KCNMA1: variants seen among roughly 807,000 people sequenced by gnomAD.
KCNMA1 encodes the protein potassium calcium-activated channel subfamily M alpha 1.
In KCNMA1, 29 loss-of-function variants were observed where a neutral mutation model predicts 140.0. That is an observed-to-expected ratio of 0.21 (90% confidence interval 0.15 to 0.28). The LOEUF (loss-of-function observed/expected upper bound fraction) is 0.28. Ranked by LOEUF, KCNMA1 falls within the 10% of genes least tolerant of loss-of-function variation. KCNMA1 has a pLI of 1.00. For synonymous variants in KCNMA1, 612 were observed against 611.9 expected (o/e 1.00, Z 0.00); for missense variants, 880 against 1,602.2 (o/e 0.55, Z 7.70).
In KCNMA1 at chr10:77,138,605, G is replaced by A. The variant is rs190881614; in HGVS notation, c.809-17557C>T. ...CATTCTCCAGAAAGCAGCCAGCATG[G>A]TCTTTTCAAATATCCATCAGATTAC... On this transcript the variant is annotated intron_variant, in intron 5 of 27. Transcript: ENST00000286628. 1.4e-3 allele frequency among the ~76,000 whole-genome samples: 207 copies of A among 152,218 alleles called. 1 individual carries two copies. Among genetic ancestry groups the A allele is most frequent in the Admixed American group, 6.3e-3 (96 of 15,284 alleles).
chr10:76,975,546 C>A (rs2116831), intron 19 of KCNMA1: 1 of 152,080 alleles, frequency 6.6e-6, no homozygotes, highest in Non-Finnish European at 1.5e-5. Flanking sequence ...GGATGGATCC[C>A]GTGGTGGGGA....
chr10:77,023,021 C>T lies in KCNMA1; in HGVS notation c.1929-3922G>A, dbSNP rs2279543. On this transcript the variant is annotated intron_variant, in intron 16 of 27. Coordinates refer to ENST00000286628, the MANE Select transcript of KCNMA1 (RefSeq NM_001161352.2). The stretch of plus-strand genomic sequence containing the variant: ...GGTTCCTAGACATAAAACACATCTA[C>T]GTGCAATTGGCTAGCGGGGCTCAGT... 4.2e-4 allele frequency: 188 copies of T among 444,254 alleles called. 1 individual carries two copies. The East Asian group carries it at 8.2e-3, about 19-fold the overall frequency. 27.5% of individuals were successfully genotyped at this position (444,254 alleles called of 1,614,324 possible). A position where few individuals can be genotyped will look rare whatever the true frequency, so the allele number is the denominator to read the frequency against.
intron 1 of KCNMA1, among the ~76,000 whole-genome samples, chr10:77,560,651 A>G (rs190940238): frequency 5.8e-4 from 89 of 152,326 alleles, no homozygotes; most frequent in Non-Finnish European, 8.8e-4. Context: ...GCTGTGCTCA[A>G]GTGGTCTCTA....
chr10:77,234,059 A>G (rs1049836913), intron 3 of KCNMA1, among the ~76,000 whole-genome samples: 1 of 152,240 alleles, frequency 6.6e-6, no homozygotes, highest in Non-Finnish European at 1.5e-5. Flanking sequence ...AGTATTACTT[A>G]TATTAATCCT....
At chr10:77,090,662 G>A in intron 9 of KCNMA1, 152 bp from the exon 10 acceptor site, 1 of 663,658 alleles carries the variant, frequency 1.5e-6, no homozygotes. Flanking sequence ...ATCCCCAGAG[G>A]GCAGTGAGGC....
chr10:76,937,659 T>C (rs1260011852), intron 23 of KCNMA1, among the ~76,000 whole-genome samples: 1 of 152,164 alleles, frequency 6.6e-6, no homozygotes, highest in Admixed American at 6.5e-5. Flanking sequence ...GAAATCACAT[T>C]TTCTTCTTTG....
chr10:77,125,385 T>G (rs1442048201), intron 5 of KCNMA1, among the ~76,000 whole-genome samples: 1 of 152,246 alleles, frequency 6.6e-6, no homozygotes, highest in Non-Finnish European at 1.5e-5. Flanking sequence ...GGCAGATGTC[T>G]TCAGTGACAC....
chr10:76,974,340 G>T, intron 19 of KCNMA1: 1 of 506,730 alleles, frequency 2.0e-6, no homozygotes, highest in South Asian at 3.3e-5. Context: ...TTCCCTTTTG[G>T]TATTTTGCTG....
In KCNMA1 at chr10:77,285,299, GT is replaced by G. The variant is rs938807505; in HGVS notation, c.541-34044del. Among the ~76,000 whole-genome samples the G allele has an allele frequency of 3.7e-4, 55 of 149,184 alleles. No individual in the cohort carries two copies. The South Asian group carries it at 3.8e-3, about 10-fold the overall frequency. ...GTTGTAAAAGGATCTCTCCTCTAAA[GT>G]TTTTTTTTTAATCTTCGTATCAATG... On this transcript the variant is annotated intron_variant, in intron 2 of 27. Coordinates refer to ENST00000286628, the MANE Select transcript of KCNMA1 (RefSeq NM_001161352.2).
chr10:76,964,320 A>C (rs1213598538), intron 20 of KCNMA1, among the ~76,000 whole-genome samples: 1 of 152,164 alleles, frequency 6.6e-6, no homozygotes, highest in Non-Finnish European at 1.5e-5. Context: ...TTAGGCAGCC[A>C]GCATTCTCAG....
At chr10:77,619,500 T>C (rs888463530) in intron 1 of KCNMA1, among the ~76,000 whole-genome samples, 1 of 152,080 alleles carries the variant, frequency 6.6e-6, no homozygotes, top group African/African-American at 2.4e-5. Flanking sequence ...CCACAATCCA[T>C]GGGTTACAAG....
chr10:77,564,648 G>A (rs181497645), intron 1 of KCNMA1, among the ~76,000 whole-genome samples: 9 of 152,260 alleles, frequency 5.9e-5, no homozygotes, highest in Non-Finnish European at 1.2e-4. Flanking sequence ...AAGACCAAGC[G>A]CTCTTTGAGG....
chr10:76,945,333 C>T (rs532652490), intron 22 of KCNMA1, among the ~76,000 whole-genome samples: 142 of 152,168 alleles, frequency 9.3e-4, no homozygotes, highest in Non-Finnish European at 1.8e-3. Context: ...CTGTGGCAAC[C>T]TCTGGCTTTC....
chr10:77,247,203 T>C (rs1365736545), intron 3 of KCNMA1, among the ~76,000 whole-genome samples: 2 of 152,158 alleles, frequency 1.3e-5, no homozygotes, highest in Non-Finnish European at 2.9e-5. Flanking sequence ...GGAATAAATA[T>C]CTTCACACAT....
intron 2 of KCNMA1, among the ~76,000 whole-genome samples, chr10:77,302,710 C>G (rs1267594977): frequency 2.0e-5 from 3 of 152,038 alleles, no homozygotes; most frequent in Non-Finnish European, 4.4e-5. Flanking sequence ...GTGGCTGAGT[C>G]CAGGGTTTTT....
chr10:77,134,134 A>T (rs1286013595), intron 5 of KCNMA1, among the ~76,000 whole-genome samples: 2 of 152,188 alleles, frequency 1.3e-5, no homozygotes, highest in African/African-American at 4.8e-5. Context: ...TGAGGAAAAT[A>T]TAGGTATATA....
intron 2 of KCNMA1, among the ~76,000 whole-genome samples, chr10:77,396,295 G>C (rs1390321329): frequency 6.6e-6 from 1 of 152,118 alleles, no homozygotes; most frequent in Non-Finnish European, 1.5e-5. Flanking sequence ...TATAATAAAA[G>C]CTGGGGCATA....
chr10:77,446,723 G>C, intron 1 of KCNMA1, among the ~76,000 whole-genome samples: 1 of 152,172 alleles, frequency 6.6e-6, no homozygotes, highest in East Asian at 1.9e-4. Context: ...GGAAAGACAG[G>C]CTTCAGAAGA....
chr10:77,195,853 G>T (rs555998902), intron 3 of KCNMA1, among the ~76,000 whole-genome samples: 69 of 152,116 alleles, frequency 4.5e-4, no homozygotes, highest in Non-Finnish European at 7.9e-4. Context: ...GGAGGCTGAG[G>T]CAGGAGAATG....
Sources: allele counts gnomAD v4.1 joint callset (sites outside exome capture counted in the v4.1 genomes callset), GRCh38; gene constraint gnomAD v4.1.1; transcripts MANE v1.5; gene names NCBI Gene and HGNC (gene_info 2026-07-23, HGNC 2026-07-21).